PDE4B: variants seen among roughly 807,000 people sequenced by gnomAD.
PDE4B encodes 3',5'-cyclic-AMP phosphodiesterase 4B.
A neutral mutation model predicts 82.2 loss-of-function variants in PDE4B; 20 were observed. The ratio of observed to expected loss-of-function variants is 0.24; its 90% confidence interval spans 0.17 to 0.35. PDE4B has a LOEUF of 0.35. Ranked by LOEUF, PDE4B falls within the 10% of genes least tolerant of loss-of-function variation. The pLI is 1.00. For missense variants in PDE4B, 655 were observed against 907.2 expected (o/e 0.72, Z 3.57); for synonymous variants, 320 against 318.9 (o/e 1.00, Z -0.04).
At chr1:65,996,517 G>A in intron 3 of PDE4B, among the ~76,000 whole-genome samples, 1 of 151,990 alleles carries the variant, frequency 6.6e-6, no homozygotes, top group Non-Finnish European at 1.5e-5. Flanking sequence ...CAACCCACAT[G>A]TATTCCAACA....
chr1:66,010,523 G>T (rs937937184), intron 3 of PDE4B, among the ~76,000 whole-genome samples: 10 of 151,364 alleles, frequency 6.6e-5, no homozygotes, highest in African/African-American at 1.9e-4. Context: ...TAGTTGTGAA[G>T]ATTTAGTCAG....
chr1:66,149,016 A>AG (rs1646329826), intron 3 of PDE4B, among the ~76,000 whole-genome samples: 2 of 152,232 alleles, frequency 1.3e-5, no homozygotes, highest in Admixed American at 1.3e-4. Context: ...GCTAGGTCAT[A>AG]TGGTAACTAT....
At position 65,913,428 on chromosome 1, in the gene PDE4B, G is replaced by T. The variant is rs112657389; in HGVS notation, c.42+72G>T. 69 of 1,414,922 alleles carry T rather than the reference G, an allele frequency of 4.9e-5. No individual in the cohort carries two copies. In the African/African-American group the frequency reaches 7.5e-4, roughly 15 times the overall value. 87.6% of individuals were successfully genotyped at this position (1,414,922 alleles called of 1,614,324 possible). On this transcript the variant is annotated intron_variant, in intron 2 of 16. Transcript: ENST00000341517. ...AGTCACTGGATAATTCTATTCAAAGGGCAGCTGGGGGCATTTAACACACCA... is the reference window on the plus strand; with the variant it reads ...AGTCACTGGATAATTCTATTCAAAGTGCAGCTGGGGGCATTTAACACACCA...
At chr1:66,259,447 T>C (rs1654512873) in intron 6 of PDE4B, among the ~76,000 whole-genome samples, 1 of 152,214 alleles carries the variant, frequency 6.6e-6, no homozygotes, top group Non-Finnish European at 1.5e-5. Context: ...ATCCTAATTA[T>C]GGACTTACTG....
intron 1 of PDE4B, among the ~76,000 whole-genome samples, chr1:65,817,629 G>T (rs1020846937): frequency 7.9e-5 from 12 of 152,140 alleles, no homozygotes; most frequent in Non-Finnish European, 1.5e-5. Flanking sequence ...TTATAGGATT[G>T]TGTATGTATT....
At chr1:66,289,502 TCAAAGGTCTTGA>T (rs1249816978) in intron 7 of PDE4B, among the ~76,000 whole-genome samples, 3 of 151,960 alleles carry the variant, frequency 2.0e-5, no homozygotes, top group Non-Finnish European at 4.4e-5. Flanking sequence ...AACATAATAT[TCAAAGGTCTTGA>T]GAAAGGTATA....
chr1:66,086,833 G>T (rs1291251753), intron 3 of PDE4B, among the ~76,000 whole-genome samples: 1 of 152,120 alleles, frequency 6.6e-6, no homozygotes, highest in Non-Finnish European at 1.5e-5. Context: ...AGGTAGACTT[G>T]TAAAGAAATA....
chr1:66,090,244 A>G (rs1179581125), intron 3 of PDE4B, among the ~76,000 whole-genome samples: 1 of 151,978 alleles, frequency 6.6e-6, no homozygotes, highest in Non-Finnish European at 1.5e-5. Flanking sequence ...GCTTGGTATA[A>G]AAGGAAGTAT....
intron 3 of PDE4B, among the ~76,000 whole-genome samples, chr1:66,151,194 A>AC (rs1273991698): frequency 6.6e-6 from 1 of 152,228 alleles, no homozygotes; most frequent in Non-Finnish European, 1.5e-5. Flanking sequence ...GTTTCGTGGA[A>AC]CAAAGGACTT....
At chr1:65,986,469 A>C (rs932252724) in intron 3 of PDE4B, among the ~76,000 whole-genome samples, 27 of 152,338 alleles carry the variant, frequency 1.8e-4, no homozygotes, top group Non-Finnish European at 3.2e-4. Flanking sequence ...CACTTCAGAC[A>C]GTGAAAACTG....
At chr1:66,134,911 T>C (rs1256577738) in intron 3 of PDE4B, among the ~76,000 whole-genome samples, 1 of 152,220 alleles carries the variant, frequency 6.6e-6, no homozygotes, top group Non-Finnish European at 1.5e-5. Flanking sequence ...AGATACAGCG[T>C]GAAGTCATAT....
intron 10 of PDE4B, among the ~76,000 whole-genome samples, chr1:66,362,557 G>T (rs1315842967): frequency 6.6e-6 from 1 of 152,166 alleles, no homozygotes; most frequent in African/African-American, 2.4e-5. Context: ...GAAATAAATT[G>T]GTCCTTAAAT....
At chr1:66,302,086 T>C (rs968771869) in intron 7 of PDE4B, among the ~76,000 whole-genome samples, 1 of 152,178 alleles carries the variant, frequency 6.6e-6, no homozygotes, top group African/African-American at 2.4e-5. Context: ...TGGGGAAAGC[T>C]AAACTGCTTC....
chr1:65,998,251 A>T lies in PDE4B; in HGVS notation c.281+79416A>T, dbSNP rs1330708786. Among the ~76,000 whole-genome samples, 7 of 152,194 alleles carry T rather than the reference A, an allele frequency of 4.6e-5. No individual in the cohort carries two copies. In the East Asian group the frequency reaches 1.3e-3, roughly 29 times the overall value. ...ACAGAAAATAAACAGCTGAGTTGGG[A>T]TTTGACTCTGAGCACGAGTGAAAAT... On this transcript the variant is annotated intron_variant, in intron 3 of 16. Transcript: ENST00000341517.
At position 66,343,168 on chromosome 1, in the gene PDE4B, AT is replaced by A. The variant is rs1028252753; in HGVS notation, c.747+10556del. 3.3e-5 allele frequency among the ~76,000 whole-genome samples: 5 copies of A among 152,130 alleles called. No homozygotes were observed. The East Asian group carries it at 9.6e-4, about 29-fold the overall frequency. Reference sequence around the variant, plus strand: ...TTGTGTATAAAAAGGAAAGGCACAGATTTTTTTTAAAAAAGAGAGACTAAAA... The same window carrying A: ...TTGTGTATAAAAAGGAAAGGCACAGATTTTTTTAAAAAAGAGAGACTAAAA... On this transcript the variant is annotated intron_variant, in intron 8 of 16. Transcript: ENST00000341517.
At chr1:66,033,697 G>C (rs1653916210) in intron 3 of PDE4B, among the ~76,000 whole-genome samples, 1 of 140,398 alleles carries the variant, frequency 7.1e-6, no homozygotes, top group Non-Finnish European at 1.5e-5. Flanking sequence ...AGCAAAAGTA[G>C]ACAGCAGCAC....
chr1:66,180,794 C>A (rs1033226214), intron 3 of PDE4B, among the ~76,000 whole-genome samples: 1 of 152,090 alleles, frequency 6.6e-6, no homozygotes, highest in Admixed American at 6.5e-5. Flanking sequence ...GAATGATTCT[C>A]AAGTTGATAG....
intron 1 of PDE4B, among the ~76,000 whole-genome samples, chr1:65,804,412 A>G (rs796823738): frequency 6.6e-6 from 1 of 152,212 alleles, no homozygotes; most frequent in African/African-American, 2.4e-5. Context: ...CAGATTGTCA[A>G]CATTATTTTA....
chr1:65,938,504 A>G (rs1648273581), intron 3 of PDE4B, among the ~76,000 whole-genome samples: 1 of 152,222 alleles, frequency 6.6e-6, no homozygotes, highest in Admixed American at 6.6e-5. Flanking sequence ...ATTTCAGATC[A>G]AAGAAAAGGA....
Sources: gnomAD v4.1 joint callset for allele counts (sites outside exome capture counted in the v4.1 genomes callset) on GRCh38, gnomAD v4.1.1 for gene constraint, MANE v1.5 for transcripts, NCBI Gene and HGNC (gene_info 2026-07-23, HGNC 2026-07-21) for gene names.